The following SIRPB1 variants were observed in gnomAD, a reference collection of about 807,000 sequenced individuals.
SIRPB1 encodes the protein signal-regulatory protein beta-1.
A neutral mutation model predicts 34.1 loss-of-function variants in SIRPB1; 28 were observed. The ratio of observed to expected loss-of-function variants is 0.82; its 90% CI spans 0.61 to 1.12. The LOEUF is 1.12. Among genes scored for constraint, SIRPB1 ranks in the 50% most tolerant of loss-of-function variants. The probability of loss-of-function intolerance (pLI) is 0.00; values close to 1 mark genes in which losing one functional copy is unlikely to be tolerated. For synonymous variants in SIRPB1, 211 were observed against 203.8 expected (o/e 1.04, Z -0.30); for missense variants, 499 against 507.0 (o/e 0.98, Z 0.15).
Position 1,562,807 on chromosome 20 carries a change from A to G in SIRPB1, c.*2693T>C, listed in dbSNP as rs1378098153. Among the ~76,000 whole-genome samples, 2 of 152,234 alleles carry G rather than the reference A, an allele frequency of 1.3e-5. No individual in the cohort carries two copies. The highest frequency in any genetic ancestry group is 4.8e-5 in the African/African-American group (2 of 41,476). On this transcript the variant is annotated 3_prime_UTR_variant, in exon 6 of 6. Coordinates refer to ENST00000381605, the MANE Select transcript of SIRPB1 (RefSeq NM_006065.5). Reference sequence around the variant, plus strand: ...CCTTGCCTCCCAGTGATGAGCCCATATGACATTTTACAGAAATGAATAATT... The same window carrying G: ...CCTTGCCTCCCAGTGATGAGCCCATGTGACATTTTACAGAAATGAATAATT...
Position 1,612,483 on chromosome 20 carries a change from AG to A in SIRPB1, c.76+7385del, listed in dbSNP as rs1568707531. ...TTTAGACCCTTGAGTTACGAGCAGA[AG>A]TGATGGGTATAATTTGTGGGCTGTG... On this transcript the variant is annotated intron_variant, in intron 1 of 5. Transcript: ENST00000381605. Among the ~76,000 whole-genome samples the A allele has an allele frequency of 2.8e-5, 2 of 71,736 alleles. 1 individual carries two copies. The highest frequency in any genetic ancestry group is 1.8e-4 in the African/African-American group (2 of 11,192). 47.1% of individuals were successfully genotyped at this position (71,736 alleles called of 152,430 possible).
In SIRPB1 at chr20:1,562,447, A is replaced by C. The variant is rs1384717656; in HGVS notation, c.*3053T>G. On this transcript the variant is annotated 3_prime_UTR_variant, in exon 6 of 6. Transcript: ENST00000381605. ...TACAGATAATCCTCCCCCACCCCCA[A>C]CCCCCCACGATATAACTGACATTCC... 1.3e-5 allele frequency among the ~76,000 whole-genome samples: 2 copies of C among 149,892 alleles called. No individual in the cohort carries two copies. The highest frequency in any genetic ancestry group is 6.6e-5 in the Admixed American group (1 of 15,068).
At position 1,582,542 on chromosome 20, in the gene SIRPB1, G is replaced by C. The variant is rs181995193; in HGVS notation, c.77-3848C>G. 8.1e-5 allele frequency among the ~76,000 whole-genome samples: 4 copies of C among 49,258 alleles called. 2 individuals carry two copies. In the East Asian group the frequency reaches 2.3e-3, roughly 28 times the overall value. The allele number at this position is 49,258 out of a possible 152,430, so 32.3% of individuals were successfully genotyped here. A position where few individuals can be genotyped will look rare whatever the true frequency, so the allele number is the denominator to read the frequency against. ...CAACCAAATACTAGCAAACTGAATTGAACAGCATATTAGAAGAATTATACA... is the reference window on the plus strand; with the variant it reads ...CAACCAAATACTAGCAAACTGAATTCAACAGCATATTAGAAGAATTATACA... On this transcript the variant is annotated intron_variant, in intron 1 of 5. Coordinates refer to ENST00000381605, the MANE Select transcript of SIRPB1 (RefSeq NM_006065.5).
At position 1,578,674 on chromosome 20, in the gene SIRPB1, G is replaced by C. The variant is rs141367120; in HGVS notation, c.97C>G (p.Leu33Val). The change falls in exon 2 of 6, where the codon CTA becomes GTA. Residue 33 changes from leucine (L) to valine (V), a missense_variant. Physicochemically the swap from Leu to Val is conservative, Grantham distance 32 (BLOSUM62 1). Transcript: ENST00000381605. ...RLTGVAGEDELQVIQPEKSVS... is the reference protein window; with the variant it reads ...RLTGVAGEDEVQVIQPEKSVS... ...GACTTTTCAGGCTGAATCACCTGTA[G>C]CTCGTCCTCACCTGCCACTCCTGGA... 5.3e-5 allele frequency: 84 copies of C among 1,582,934 alleles called. 6 individuals are homozygous for C. The African/African-American group carries it at 8.9e-4, about 17-fold the overall frequency.
At chr20:1,573,613 G>T (rs1281803460) in intron 2 of SIRPB1, among the ~76,000 whole-genome samples, 1 of 142,458 alleles carries the variant, frequency 7.0e-6, no homozygotes, top group Non-Finnish European at 1.6e-5. Context: ...TCCCTAGAAG[G>T]CTGAGAGGCT....
At chr20:1,570,139 C>G (rs1468497555) in intron 4 of SIRPB1, among the ~76,000 whole-genome samples, 1 of 152,162 alleles carries the variant, frequency 6.6e-6, no homozygotes, top group Non-Finnish European at 1.5e-5. Flanking sequence ...CCTGGTTTCC[C>G]CTTTGGTAAA....
chr20:1,569,971 G>T (rs2091202332), intron 4 of SIRPB1, among the ~76,000 whole-genome samples: 1 of 152,198 alleles, frequency 6.6e-6, no homozygotes, highest in Non-Finnish European at 1.5e-5. Context: ...GGGACAAAGC[G>T]CAGCAGAAAG....
At position 1,570,876 on chromosome 20, in the gene SIRPB1, T is replaced by G. The variant is rs1470956756; in HGVS notation, c.1013A>C (p.Gln338Pro). The change falls in exon 4 of 6, where the codon CAA (glutamine) becomes CCA (proline). Residue 338 changes from glutamine to proline, a missense_variant. Gln to Pro is a moderately conservative substitution (Grantham distance 76, BLOSUM62 -1). Transcript: ENST00000381605. ...CAGGGCATAGCTTTTGCTGACTGCT[T>G]GCTGCCCATCATGCTCCACCTGACA... Reference protein sequence around the residue: ...LTCQVEHDGQQAVSKSYALEI... With the variant: ...LTCQVEHDGQPAVSKSYALEI... 1 of 1,614,096 alleles carries G rather than the reference T, an allele frequency of 6.2e-7. No homozygotes were observed. The highest frequency in any genetic ancestry group is 8.5e-7 in the Non-Finnish European group (1 of 1,180,036).
rs2091083544 is a variant in SIRPB1, at chr20:1,561,546, A to G, written c.*3954T>C. On this transcript the variant is annotated 3_prime_UTR_variant, in exon 6 of 6. Transcript: ENST00000381605. ...TTTTAGACTTTCCTTGATTTTGATG[A>G]CCTTGACAGTTTTGAGGAGTTCTGG... 6.6e-6 allele frequency among the ~76,000 whole-genome samples: 1 copy of G among 152,090 alleles called. No homozygotes were observed. Among genetic ancestry groups the G allele is most frequent in the African/African-American group, 2.4e-5 (1 of 41,412 alleles).
chr20:1,572,125 A>G, intron 2 of SIRPB1, 88 bp from the exon 3 acceptor site: 2 of 1,587,750 alleles, frequency 1.3e-6, no homozygotes, highest in Non-Finnish European at 1.7e-6. Flanking sequence ...ACCTTCTGAG[A>G]CGTTAGTTTT....
chr20:1,577,327 A>G (rs1256370283), intron 2 of SIRPB1, among the ~76,000 whole-genome samples: 3 of 147,696 alleles, frequency 2.0e-5, no homozygotes, highest in Non-Finnish European at 4.5e-5. Context: ...TCTGGCTCCA[A>G]TTCTGTCACT....
chr20:1,571,653 G>A, intron 3 of SIRPB1, 67 bp downstream of exon 3: 1 of 1,609,870 alleles, frequency 6.2e-7, no homozygotes, highest in South Asian at 1.1e-5. Context: ...AAGCTCTGGA[G>A]CCTGGGGAGA....
chr20:1,618,114 C>T (rs1196645937), intron 1 of SIRPB1, among the ~76,000 whole-genome samples: 9 of 152,166 alleles, frequency 5.9e-5, no homozygotes, highest in Non-Finnish European at 1.0e-4. Flanking sequence ...AATAAAATTA[C>T]AACACACGTT....
At chr20:1,567,088 T>TA (rs75930333) in intron 4 of SIRPB1, among the ~76,000 whole-genome samples, 1 of 149,260 alleles carries the variant, frequency 6.7e-6, no homozygotes, top group Non-Finnish European at 1.5e-5. Context: ...ACAAAGGTAT[T>TA]AAAAAAAATT....
intron 1 of SIRPB1, among the ~76,000 whole-genome samples, chr20:1,613,739 G>T (rs1404149982): frequency 6.6e-6 from 1 of 152,172 alleles, no homozygotes; most frequent in Non-Finnish European, 1.5e-5. Flanking sequence ...GGAATTGTGA[G>T]ACGTTATCAA....
intron 1 of SIRPB1, 70 bp downstream of exon 1, chr20:1,619,799 C>T (rs888991266): frequency 6.1e-6 from 7 of 1,146,118 alleles, no homozygotes; most frequent in South Asian, 1.4e-5. Context: ...GTCCGGAATC[C>T]CTGAAAGTCC....
intron 4 of SIRPB1, 128 bp from the exon 5 acceptor site, chr20:1,566,395 G>T: frequency 1.7e-6 from 1 of 573,632 alleles, no homozygotes. Context: ...CTTGCATCCT[G>T]CTCTGGCTTT....
chr20:1,588,688 G>T, intron 1 of SIRPB1: 1 of 562,234 alleles, frequency 1.8e-6, no homozygotes, highest in Non-Finnish European at 2.3e-6. Flanking sequence ...GAGATGTCAG[G>T]CTCTGCTCTG....
At position 1,602,699 on chromosome 20, in the gene SIRPB1, A is replaced by G. The variant is rs1323690790; in HGVS notation, c.76+17170T>C. On this transcript the variant is annotated intron_variant, in intron 1 of 5. Transcript: ENST00000381605. ...ATGTCCTCTATTATCAGATCACCCAATTGCGGACTCCTCTTGCAACTGCGT... is the reference window on the plus strand; with the variant it reads ...ATGTCCTCTATTATCAGATCACCCAGTTGCGGACTCCTCTTGCAACTGCGT... Among the ~76,000 whole-genome samples, 4 of 49,478 alleles carry G rather than the reference A, an allele frequency of 8.1e-5. 1 individual carries two copies. The highest frequency in any genetic ancestry group is 4.0e-4 in the African/African-American group (3 of 7,494). 32.5% of individuals were successfully genotyped at this position (49,478 alleles called of 152,430 possible). A position where few individuals can be genotyped will look rare whatever the true frequency, so the allele number is the denominator to read the frequency against.
Sources: allele counts gnomAD v4.1 joint callset (sites outside exome capture counted in the v4.1 genomes callset), GRCh38; gene constraint gnomAD v4.1.1; transcripts MANE v1.5; gene names NCBI Gene and HGNC (gene_info 2026-07-23, HGNC 2026-07-21).